The following METRNL variants were observed in gnomAD, a reference collection of about 807,000 sequenced individuals.
METRNL encodes the protein meteorin-like protein.
Under a neutral mutation model 17.4 loss-of-function variants are expected in METRNL, and 9 were observed. The ratio of observed to expected loss-of-function variants is 0.52; its 90% confidence interval spans 0.31 to 0.90. The LOEUF is 0.90. Ranked by LOEUF, METRNL falls within the 40% of genes least tolerant of loss-of-function variation. The probability of loss-of-function intolerance (pLI) is 0.05; values close to 1 mark genes in which losing one functional copy is unlikely to be tolerated. For missense variants in METRNL, 408 were observed against 430.7 expected, an observed-to-expected ratio of 0.95 and a Z score of 0.47; for synonymous variants, 215 against 199.3, an observed-to-expected ratio of 1.08 and a Z score of -0.66.
intron 2 of METRNL, among the ~76,000 whole-genome samples, chr17:83,092,797 T>A (rs2038155544): frequency 6.6e-6 from 1 of 152,066 alleles, no homozygotes; most frequent in African/African-American, 2.4e-5. Context: ...ACTGAGGAGA[T>A]AAGTGGGGAA....
rs372695790 is a variant in METRNL, at chr17:83,085,082, C to T, written c.315C>T (p.Thr105=). Residue 105 remains threonine (T), a synonymous_variant, in exon 2 of 4, where the codon ACC becomes ACT. Coordinates refer to ENST00000320095, the MANE Select transcript of METRNL (RefSeq NM_001004431.3). The part of the protein sequence containing the change: ...PNTFSPARHL[T]VCIRSFTDSS... ...CCTTCTCGCCTGCCCGGCACCTGAC[C>T]GTGTGCATCAGGTCCTTCACGGACT... 20 of 1,613,798 alleles carry T rather than the reference C, an allele frequency of 1.2e-5. No homozygotes were observed. Among genetic ancestry groups the T allele is most frequent in the East Asian group, 4.5e-5 (2 of 44,898 alleles).
At chr17:83,083,884 A>G (rs56848030) in intron 1 of METRNL, among the ~76,000 whole-genome samples, 39,798 of 152,200 alleles carry the variant, frequency 0.26, 5,425 homozygotes, top group Admixed American at 0.31. Context: ...GATCTGCGTA[A>G]TAAAACACTT....
In METRNL at chr17:83,094,290, G is replaced by A; in HGVS notation, c.651G>A (p.Glu217=). ...GCTCCATCCAGCAAGTTACCCACGA[G>A]CCTGAGCGGCAGGACTCAGCCATCC... ...VRGSIQQVTH[E]PERQDSAIHL... Residue 217 remains glutamate, a synonymous_variant, in exon 4 of 4, where the codon GAG becomes GAA. Coordinates refer to ENST00000320095, the MANE Select transcript of METRNL (RefSeq NM_001004431.3). 4 of 1,588,118 alleles carry A rather than the reference G, an allele frequency of 2.5e-6. No individual in the cohort carries two copies. The highest frequency in any genetic ancestry group is 3.4e-6 in the Non-Finnish European group (4 of 1,160,748).
chr17:83,094,565 G>A lies in METRNL; in HGVS notation c.926G>A (p.Gly309Asp). ...AGGGGGCTGAACCCTTGTGAGGTTG[G>A]CACGGACTGACTCCGTGGGCCGCTG... ...QERGLNPCEV[G>D]TD The change falls in exon 4 of 4, where the codon GGC becomes GAC. Residue 309 changes from glycine (G) to aspartate (D), a missense_variant. Transcript: ENST00000320095. 6.8e-7 allele frequency: 1 copy of A among 1,474,358 alleles called. No homozygotes were observed. Among genetic ancestry groups the A allele is most frequent in the African/African-American group, 1.4e-5 (1 of 71,308 alleles). 91.3% of individuals were successfully genotyped at this position (1,474,358 alleles called of 1,614,324 possible).
chr17:83,089,061 CA>C (rs1426493721), intron 2 of METRNL, among the ~76,000 whole-genome samples: 3 of 140,758 alleles, frequency 2.1e-5, no homozygotes, highest in African/African-American at 5.3e-5. Flanking sequence ...GAAAGGGAGG[CA>C]GGGGGAAGGG....
At chr17:83,094,141 C>T (rs2038172828) in intron 3 of METRNL, 115 bp from the exon 4 acceptor site, 7 of 840,436 alleles carry the variant, frequency 8.3e-6, no homozygotes, top group Non-Finnish European at 1.3e-5. Flanking sequence ...ATGGCAGAGT[C>T]GGGGGTCAGC....
At chr17:83,082,203 C>T (rs947165514) in intron 1 of METRNL, 5 of 985,302 alleles carry the variant, frequency 5.1e-6, no homozygotes, top group Admixed American at 6.1e-5. Context: ...ATCGCAGGTG[C>T]GGTCACACCT....
At chr17:83,093,745 C>T (rs188385782) in intron 3 of METRNL, among the ~76,000 whole-genome samples, 119 of 152,276 alleles carry the variant, frequency 7.8e-4, no homozygotes, top group Non-Finnish European at 1.4e-3. Flanking sequence ...AAAGGTTTGG[C>T]CTCCCGTCGT....
chr17:83,081,125 G>A (rs943561145), intron 1 of METRNL, among the ~76,000 whole-genome samples: 3 of 151,848 alleles, frequency 2.0e-5, no homozygotes, highest in African/African-American at 7.2e-5. Context: ...GTGCCCGGCT[G>A]TCCCGGGAGC....
chr17:83,093,039 A>C, intron 2 of METRNL, 128 bp from the exon 3 acceptor site: 1 of 706,884 alleles, frequency 1.4e-6, no homozygotes, highest in East Asian at 2.7e-5. Context: ...TTGGTCACAA[A>C]GGTGCCTTGA....
chr17:83,085,160 A>G lies in METRNL; in HGVS notation c.393A>G (p.Val131=). Residue 131 remains valine, a synonymous_variant, in exon 2 of 4, where the codon GTA becomes GTG. Coordinates refer to ENST00000320095, the MANE Select transcript of METRNL (RefSeq NM_001004431.3). The part of the protein sequence containing the change: ...LEKTGELRLL[V]PDGDGRPGRV... ...AAACTGGAGAACTGAGACTGCTGGT[A>G]CCAGACGGGGACGGCAGGCCCGGCC... 1 of 1,613,174 alleles carries G rather than the reference A, an allele frequency of 6.2e-7. No individual in the cohort carries two copies. The highest frequency in any genetic ancestry group is 8.5e-7 in the Non-Finnish European group (1 of 1,179,782).
At chr17:83,080,554 T>G (rs1462636692) in intron 1 of METRNL, among the ~76,000 whole-genome samples, 1 of 60,786 alleles carries the variant, frequency 1.6e-5, no homozygotes, top group Admixed American at 2.6e-4. Flanking sequence ...CGGCGCGCGC[T>G]GCGCTGGGCG....
chr17:83,085,329 T>C lies in METRNL; in HGVS notation c.556+6T>C. ...GGACCTGCACGAGCTGTCTGGTGAG[T>C]GTCCTGCCTGGGGCGGGGGCGGCGG... On this transcript the variant is annotated splice_donor_region_variant and intron_variant, in intron 2 of 3. Transcript: ENST00000320095. 6.6e-7 allele frequency: 1 copy of C among 1,515,798 alleles called. No homozygotes were observed. Among genetic ancestry groups the C allele is most frequent in the Non-Finnish European group, 8.8e-7 (1 of 1,132,554 alleles). 93.9% of individuals were successfully genotyped at this position (1,515,798 alleles called of 1,614,324 possible). A position where few individuals can be genotyped will look rare whatever the true frequency, so the allele number is the denominator to read the frequency against.
chr17:83,085,471 GC>G, intron 2 of METRNL, 148 bp downstream of exon 2: 2 of 1,131,340 alleles, frequency 1.8e-6, no homozygotes, highest in Non-Finnish European at 2.4e-6. Flanking sequence ...TGACTGTTTT[GC>G]CTGAAGAGCC....
intron 2 of METRNL, among the ~76,000 whole-genome samples, chr17:83,087,592 C>T (rs1347526309): frequency 1.3e-5 from 2 of 152,214 alleles, no homozygotes; most frequent in Non-Finnish European, 2.9e-5. Context: ...TTTAATGCTG[C>T]AGGAATGGGT....
rs879658183 is a variant in METRNL at position 83,088,268 on chromosome 17, G to A, written c.556+2945G>A. ...CAGAGAGTGGTCAGGTGCAGCTTCC[G>A]GCCGTGCCCAGACCTGTGCCCAGCA... On this transcript the variant is annotated intron_variant, in intron 2 of 3. Transcript: ENST00000320095. Among the ~76,000 whole-genome samples the A allele has an allele frequency of 2.6e-5, 4 of 152,350 alleles. No individual in the cohort carries two copies. The South Asian group carries it at 8.3e-4, about 32-fold the overall frequency.
intron 2 of METRNL, among the ~76,000 whole-genome samples, chr17:83,090,170 A>ACACACC (rs1407717128): frequency 3.5e-4 from 16 of 45,596 alleles, no homozygotes; most frequent in Admixed American, 8.3e-4. Flanking sequence ...GGAGCCACAC[A>ACACACC]CCCCTGCCCC....
At chr17:83,086,233 C>G (rs150486658) in intron 2 of METRNL, among the ~76,000 whole-genome samples, 23 of 152,316 alleles carry the variant, frequency 1.5e-4, no homozygotes, top group African/African-American at 5.3e-4. Flanking sequence ...TGTTCTTGGC[C>G]TAGATTACTT....
chr17:83,094,665 C>T lies in METRNL; in HGVS notation c.*90C>T, dbSNP rs576250048. On this transcript the variant is annotated 3_prime_UTR_variant, in exon 4 of 4. Transcript: ENST00000320095. ...GTGGGGCCGTGCGGTGAGGGCCGCG[C>T]GCTGGGAGCCGCATGCCCTGGGCCC... 2.5e-5 allele frequency: 27 copies of T among 1,086,306 alleles called. No homozygotes were observed. The highest frequency in any genetic ancestry group is 2.3e-4 in the African/African-American group (14 of 61,450). 67.3% of individuals were successfully genotyped at this position (1,086,306 alleles called of 1,614,324 possible). A position where few individuals can be genotyped will look rare whatever the true frequency, so the allele number is the denominator to read the frequency against.
Sources: allele counts gnomAD v4.1 joint callset (sites outside exome capture counted in the v4.1 genomes callset), GRCh38; gene constraint gnomAD v4.1.1; transcripts MANE v1.5; gene names NCBI Gene and HGNC (gene_info 2026-07-23, HGNC 2026-07-21).